The following WDR33 variants were observed in gnomAD, a reference collection of about 807,000 sequenced individuals.
WDR33 encodes the protein WD repeat domain 33.
A neutral mutation model predicts 164.9 loss-of-function variants in WDR33; 47 were observed. That is an observed-to-expected ratio of 0.29 (90% CI 0.23 to 0.36). WDR33 has a LOEUF of 0.36. Ranked by LOEUF, WDR33 falls within the 10% of genes least tolerant of loss-of-function variation. The pLI is 1.00. For missense variants in WDR33, 1,137 were observed against 1,754.1 expected, an observed-to-expected ratio of 0.65 and a Z score of 6.28; for synonymous variants, 505 against 589.0, an observed-to-expected ratio of 0.86 and a Z score of 2.06.
intron 1 of WDR33, among the ~76,000 whole-genome samples, chr2:127,780,710 A>G (rs957745231): frequency 6.6e-6 from 1 of 151,840 alleles, no homozygotes; most frequent in Non-Finnish European, 1.5e-5. Context: ...GTAAACTTTC[A>G]CCTCCAGTCC....
chr2:127,757,260 G>A (rs919911794), intron 7 of WDR33, among the ~76,000 whole-genome samples: 3 of 152,082 alleles, frequency 2.0e-5, no homozygotes, highest in African/African-American at 4.8e-5. Context: ...TAAGCATAGC[G>A]ATTAAAAGAA....
Position 127,764,405 on chromosome 2 carries a change from C to T in WDR33, c.626+423G>A. On this transcript the variant is annotated intron_variant, in intron 6 of 21. Coordinates refer to ENST00000322313, the MANE Select transcript of WDR33 (RefSeq NM_018383.5). This position sits in a 1 kb window ranked among gnomAD's most constrained non-coding sequence, Gnocchi z 6.2. ...CAAGCCAACCAGGTCTTCACTTAAG[C>T]CTTTTTCCACTTTGTGTGAATTCTG... is the stretch of plus-strand genomic sequence containing the variant. The T allele has an allele frequency of 6.9e-7, 1 of 1,445,360 alleles. No homozygotes were observed. Among genetic ancestry groups the T allele is most frequent in the Non-Finnish European group, 9.1e-7 (1 of 1,102,160 alleles). 89.5% of individuals were successfully genotyped at this position (1,445,360 alleles called of 1,614,324 possible).
In WDR33 at chr2:127,719,974, T is replaced by G; in HGVS notation, c.2051A>C (p.His684Pro). 6.2e-7 allele frequency: 1 copy of G among 1,613,916 alleles called. No individual in the cohort carries two copies. Among genetic ancestry groups the G allele is most frequent in the Non-Finnish European group, 8.5e-7 (1 of 1,179,970 alleles). The change falls in exon 16 of 22, where the codon CAT (histidine) becomes CCT (proline). Residue 684 changes from histidine (H) to proline (P), a missense_variant. Coordinates refer to ENST00000322313, the MANE Select transcript of WDR33 (RefSeq NM_018383.5). The surrounding 1 kb of genome is among the most constrained non-coding windows in gnomAD (Gnocchi z 6.5). ...TGGCCCTTGAGGTCCCAAAGGGCCA[T>G]GAGGTCCAGGATGCCTCTGCATTCC... The part of the protein sequence containing the change: ...PQGMQRHPGP[H>P]GPLGPQGPPG...
chr2:127,718,257 A>G lies in WDR33; in HGVS notation c.2761-994T>C, dbSNP rs1429013303. On this transcript the variant is annotated intron_variant, in intron 16 of 21. Transcript: ENST00000322313. The surrounding 1 kb of genome is among the most constrained non-coding windows in gnomAD (Gnocchi z 4.4). ...GATTCGTGGTGGTATTTGAAAAACC[A>G]AAACAGACTGTGCTTTCTACATCTG... Among the ~76,000 whole-genome samples, 1 of 152,020 alleles carries G rather than the reference A, an allele frequency of 6.6e-6. No individual in the cohort carries two copies. Among genetic ancestry groups the G allele is most frequent in the Non-Finnish European group, 1.5e-5 (1 of 67,998 alleles).
chr2:127,736,189 G>T (rs1046882347), intron 7 of WDR33: 3 of 985,400 alleles, frequency 3.0e-6, no homozygotes, highest in Non-Finnish European at 3.6e-6. Flanking sequence ...TTCCAAGTCT[G>T]CCAGAAGGCT....
chr2:127,803,040 A>C (rs1395037765), intron 1 of WDR33, among the ~76,000 whole-genome samples: 1 of 152,194 alleles, frequency 6.6e-6, no homozygotes, highest in Non-Finnish European at 1.5e-5. Flanking sequence ...CTAATAATGA[A>C]TACAAACAAA....
chr2:127,752,544 T>C lies in WDR33; in HGVS notation c.724+10518A>G, dbSNP rs576211683. Reference sequence around the variant, plus strand: ...AGCGGAGCTTGCAGTGAGCCGAGATTGCGCCACTGCAGTCCGCAGTCCGGC... The same window carrying C: ...AGCGGAGCTTGCAGTGAGCCGAGATCGCGCCACTGCAGTCCGCAGTCCGGC... On this transcript the variant is annotated intron_variant, in intron 7 of 21. Coordinates refer to ENST00000322313, the MANE Select transcript of WDR33 (RefSeq NM_018383.5). Among the ~76,000 whole-genome samples, 40 of 141,584 alleles carry C rather than the reference T, an allele frequency of 2.8e-4. No individual in the cohort carries two copies. In the South Asian group the frequency reaches 7.6e-3, roughly 27 times the overall value. 92.9% of individuals were successfully genotyped at this position (141,584 alleles called of 152,430 possible). A position where few individuals can be genotyped will look rare whatever the true frequency, so the allele number is the denominator to read the frequency against.
chr2:127,731,216 C>A (rs762717742), intron 7 of WDR33, among the ~76,000 whole-genome samples: 5 of 149,296 alleles, frequency 3.3e-5, no homozygotes, highest in African/African-American at 1.2e-4. Context: ...ATCGCCTGAG[C>A]CCAGGGAGGC....
intron 7 of WDR33, among the ~76,000 whole-genome samples, chr2:127,751,430 T>TA (rs1266815254): frequency 6.8e-6 from 1 of 146,040 alleles, no homozygotes; most frequent in African/African-American, 2.5e-5. Context: ...GATGCTCTAT[T>TA]TAAAAAAAAA....
intron 7 of WDR33, among the ~76,000 whole-genome samples, chr2:127,731,409 A>C (rs1220487115): frequency 6.6e-6 from 1 of 152,144 alleles, no homozygotes; most frequent in Admixed American, 6.5e-5. Flanking sequence ...TTGGGAAGTA[A>C]ATTAGGACAA....
In WDR33 at chr2:127,750,814, C is replaced by T. The variant is rs13426513; in HGVS notation, c.724+12248G>A. 1.9e-3 allele frequency among the ~76,000 whole-genome samples: 263 copies of T among 136,804 alleles called. 3 individuals are homozygous for T. Among genetic ancestry groups the T allele is most frequent in the African/African-American group, 7.2e-3 (254 of 35,218 alleles). The allele number at this position is 136,804 out of a possible 152,430, so 89.7% of individuals were successfully genotyped here. A position where few individuals can be genotyped will look rare whatever the true frequency, so the allele number is the denominator to read the frequency against. On this transcript the variant is annotated intron_variant, in intron 7 of 21. Coordinates refer to ENST00000322313, the MANE Select transcript of WDR33 (RefSeq NM_018383.5). The stretch of plus-strand genomic sequence containing the variant: ...CATATGGAAAAAACTATCTTTAAAA[C>T]AGCTAATTTTATTTCTTTCAGAGGT...
In WDR33 at chr2:127,712,962, G is replaced by A. The variant is rs531864058; in HGVS notation, c.3308+621C>T. On this transcript the variant is annotated intron_variant, in intron 18 of 21. Coordinates refer to ENST00000322313, the MANE Select transcript of WDR33 (RefSeq NM_018383.5). This position sits in a 1 kb window ranked among gnomAD's most constrained non-coding sequence, Gnocchi z 4.0. Reference sequence around the variant, plus strand: ...TGTAGAGATGGAGTTACACTATGTCGTTCAGGCTGTTCTTCAATTCCTGGC... The same window carrying A: ...TGTAGAGATGGAGTTACACTATGTCATTCAGGCTGTTCTTCAATTCCTGGC... Among the ~76,000 whole-genome samples the A allele has an allele frequency of 3.2e-4, 49 of 152,210 alleles. No individual in the cohort carries two copies. Among genetic ancestry groups the A allele is most frequent in the African/African-American group, 9.9e-4 (41 of 41,522 alleles).
intron 7 of WDR33, among the ~76,000 whole-genome samples, chr2:127,759,171 C>A (rs1687604830): frequency 6.6e-6 from 1 of 152,136 alleles, no homozygotes; most frequent in Admixed American, 6.5e-5. Context: ...ACTTACACAT[C>A]CTTTGTAATG....
chr2:127,753,523 G>A (rs2105419838), intron 7 of WDR33, among the ~76,000 whole-genome samples: 1 of 152,318 alleles, frequency 6.6e-6, no homozygotes, highest in Admixed American at 6.5e-5. Flanking sequence ...CTTCACAGAT[G>A]AGGACACAAA....
intron 1 of WDR33, among the ~76,000 whole-genome samples, chr2:127,806,996 T>C (rs1424801061): frequency 6.6e-6 from 1 of 151,904 alleles, no homozygotes; most frequent in African/African-American, 2.4e-5. Flanking sequence ...CTTTCACCTT[T>C]GCTGCATGTT....
intron 7 of WDR33, among the ~76,000 whole-genome samples, chr2:127,731,369 AGAGT>A (rs1277721467): frequency 4.0e-5 from 6 of 151,682 alleles, no homozygotes; most frequent in African/African-American, 1.5e-4. Context: ...AATAAGAGAG[AGAGT>A]AATAGGCACT....
intron 4 of WDR33, among the ~76,000 whole-genome samples, chr2:127,767,977 C>T (rs1687874338): frequency 6.6e-6 from 1 of 152,096 alleles, no homozygotes; most frequent in Non-Finnish European, 1.5e-5. Context: ...GAAATTGCCA[C>T]ATGAAGAAAA....
At chr2:127,740,705 G>A (rs576631708) in intron 7 of WDR33, among the ~76,000 whole-genome samples, 2 of 152,296 alleles carry the variant, frequency 1.3e-5, no homozygotes, top group South Asian at 4.1e-4. Flanking sequence ...TGGAACTTGG[G>A]AGAATATCAG....
intron 1 of WDR33, among the ~76,000 whole-genome samples, chr2:127,810,061 C>CACACATAT (rs112533817): frequency 6.6e-6 from 1 of 151,198 alleles, no homozygotes; most frequent in African/African-American, 2.4e-5. Context: ...CATACACACA[C>CACACATAT]ACATATATAC....
Sources: allele counts gnomAD v4.1 joint callset (sites outside exome capture counted in the v4.1 genomes callset), GRCh38; gene constraint gnomAD v4.1.1; non-coding constraint Gnocchi (gnomAD v3.1); transcripts MANE v1.5; gene names NCBI Gene and HGNC (gene_info 2026-07-23, HGNC 2026-07-21).